RBPJ: variants seen among roughly 807,000 people sequenced by gnomAD.
RBPJ encodes recombination signal binding protein for immunoglobulin kappa J region, also known as recombining binding protein suppressor of hairless.
A neutral mutation model predicts 67.8 loss-of-function variants in RBPJ; 9 were observed. The observed-to-expected ratio is 0.13, with a 90% CI of 0.08 to 0.23. The LOEUF (loss-of-function observed/expected upper bound fraction) is 0.23. Ranked by LOEUF, RBPJ falls within the 10% of genes least tolerant of loss-of-function variation. The probability of loss-of-function intolerance (pLI) is 1.00; values close to 1 mark genes in which losing one functional copy is unlikely to be tolerated. For synonymous variants in RBPJ, 198 were observed against 203.3 expected, an observed-to-expected ratio of 0.97 and a Z score of 0.22; for missense variants, 305 against 595.6, an observed-to-expected ratio of 0.51 and a Z score of 5.08.
intron 1 of RBPJ, among the ~76,000 whole-genome samples, chr4:26,210,509 A>G (rs1416906549): frequency 6.6e-6 from 1 of 152,186 alleles, no homozygotes; most frequent in Non-Finnish European, 1.5e-5. Flanking sequence ...ATTTAAAAGA[A>G]GCTATATGAC....
At chr4:26,397,204 G>GT (rs1329256114) in intron 2 of RBPJ, among the ~76,000 whole-genome samples, 1 of 152,150 alleles carries the variant, frequency 6.6e-6, no homozygotes, top group African/African-American at 2.4e-5. Context: ...TTTGTAAACC[G>GT]TAAGTATTGT....
the RBPJ span, among the ~76,000 whole-genome samples, chr4:26,141,901 C>T: frequency 2.7e-4 from 41 of 152,304 alleles, no homozygotes; most frequent in African/African-American, 9.1e-4. Flanking sequence ...AAGAAGCAAT[C>T]AAAAACACCA....
chr4:26,272,888 G>A (rs561618462), intron 1 of RBPJ: 11 of 255,516 alleles, frequency 4.3e-5, no homozygotes, highest in Middle Eastern at 4.5e-4. Flanking sequence ...TGTGAAACAG[G>A]GAACTCTGCA....
At chr4:26,327,543 T>G (rs1016652684) in intron 1 of RBPJ, among the ~76,000 whole-genome samples, 7 of 48,380 alleles carry the variant, frequency 1.4e-4, no homozygotes, top group African/African-American at 1.0e-3. Context: ...ACCCTGGAGG[T>G]TTTTTTTTTT....
intron 7 of RBPJ, among the ~76,000 whole-genome samples, chr4:26,426,732 A>G (rs1314800420): frequency 2.0e-5 from 3 of 152,176 alleles, no homozygotes; most frequent in Non-Finnish European, 4.4e-5. Context: ...GAATGAAGTC[A>G]AAGAACCGGT....
At chr4:26,400,542 G>A (rs116294369) in intron 2 of RBPJ, among the ~76,000 whole-genome samples, 5 of 152,150 alleles carry the variant, frequency 3.3e-5, no homozygotes, top group Non-Finnish European at 2.9e-5. Flanking sequence ...AGAGTATATC[G>A]TCTTGTTTTA....
intron 1 of RBPJ, among the ~76,000 whole-genome samples, chr4:26,257,872 C>G (rs896736234): frequency 7.2e-5 from 11 of 152,170 alleles, no homozygotes; most frequent in African/African-American, 2.7e-4. Context: ...ACCCAAATAA[C>G]CTGGGCAACC....
At chr4:26,315,005 T>A (rs1722554732), upstream of RBPJ, among the ~76,000 whole-genome samples, 1 of 150,902 alleles carries the variant, frequency 6.6e-6, no homozygotes, top group South Asian at 2.1e-4. Flanking sequence ...ATTAGCCGGG[T>A]GTGGTAGTGG....
At chr4:26,201,522 T>A (rs894090695) in intron 1 of RBPJ, among the ~76,000 whole-genome samples, 10 of 152,146 alleles carry the variant, frequency 6.6e-5, no homozygotes, top group African/African-American at 1.9e-4. Flanking sequence ...TCATTTTCCA[T>A]TTTTCACTCC....
At chr4:26,310,852 T>G (rs1313387609) in intron 1 of RBPJ, among the ~76,000 whole-genome samples, 1 of 152,040 alleles carries the variant, frequency 6.6e-6, no homozygotes, top group African/African-American at 2.4e-5. Context: ...ATATTTTTAG[T>G]AGAGACAGGG....
At chr4:26,420,810 A>T (rs1263879655) in intron 5 of RBPJ, 85 bp downstream of exon 5, 10 of 1,083,690 alleles carry the variant, frequency 9.2e-6, no homozygotes, top group East Asian at 2.7e-5. Flanking sequence ...TTGCCTTTTC[A>T]ATAGCCAATT....
intron 1 of RBPJ, among the ~76,000 whole-genome samples, chr4:26,383,105 G>A (rs912031948): frequency 7.2e-5 from 11 of 152,148 alleles, no homozygotes; most frequent in African/African-American, 2.2e-4. Flanking sequence ...GTATCATTTT[G>A]TGTAAAATAC....
At chr4:26,111,547 G>GA in the RBPJ span, among the ~76,000 whole-genome samples, 38 of 152,276 alleles carry the variant, frequency 2.5e-4, no homozygotes, top group African/African-American at 7.5e-4. Context: ...GGGCTTTGGG[G>GA]AAAAAAACTC....
chr4:26,116,505 G>T, the RBPJ span, among the ~76,000 whole-genome samples: 1 of 152,152 alleles, frequency 6.6e-6, no homozygotes, highest in Non-Finnish European at 1.5e-5. Context: ...AGTCCGCCCA[G>T]CAGTTTCTGG....
At position 26,415,496 on chromosome 4, in the gene RBPJ, T is replaced by C. The variant is rs1282931632; in HGVS notation, c.177T>C (p.Cys59=). The change falls in exon 4 of 11, where the codon TGT becomes TGC. Residue 59 remains cysteine (C), a synonymous_variant. Transcript: ENST00000355476. ...NEKRFFCPPP[C]VYLMGSGWKK... ...TCAGGTTTTTTTGCCCACCTCCTTGTGTATATCTTATGGGCAGTGGATGGA... is the reference window on the plus strand; with the variant it reads ...TCAGGTTTTTTTGCCCACCTCCTTGCGTATATCTTATGGGCAGTGGATGGA... 2 of 1,606,336 alleles carry C rather than the reference T, an allele frequency of 1.2e-6. No homozygotes were observed. Among genetic ancestry groups the C allele is most frequent in the South Asian group, 2.2e-5 (2 of 89,096 alleles).
chr4:26,423,993 T>C (rs1735394771), intron 5 of RBPJ, among the ~76,000 whole-genome samples: 1 of 152,242 alleles, frequency 6.6e-6, no homozygotes, highest in Non-Finnish European at 1.5e-5. Flanking sequence ...TTCTTATCAG[T>C]GTGTTTAGAT....
At chr4:26,389,043 G>A (rs973576405) in intron 2 of RBPJ, among the ~76,000 whole-genome samples, 4 of 151,910 alleles carry the variant, frequency 2.6e-5, no homozygotes, top group East Asian at 3.9e-4. Context: ...GCAACATGGC[G>A]AAACCGTGTC....
intron 1 of RBPJ, among the ~76,000 whole-genome samples, chr4:26,201,541 A>C (rs1577466217): frequency 6.6e-6 from 1 of 152,194 alleles, no homozygotes; most frequent in East Asian, 1.9e-4. Context: ...CCACAGCTTC[A>C]TTGCAAAACC....
chr4:26,266,123 C>G (rs1025785518), intron 1 of RBPJ, among the ~76,000 whole-genome samples: 1 of 152,146 alleles, frequency 6.6e-6, no homozygotes, highest in African/African-American at 2.4e-5. Flanking sequence ...CTCTGTGCCC[C>G]AACAGTATCA....
Sources: gnomAD v4.1 joint callset for allele counts (sites outside exome capture counted in the v4.1 genomes callset) on GRCh38, gnomAD v4.1.1 for gene constraint, MANE v1.5 for transcripts, NCBI Gene and HGNC (gene_info 2026-07-23, HGNC 2026-07-21) for gene names.